Variants in CEACAM3 observed in about 807,000 individuals in gnomAD.
CEACAM3 encodes the protein CEA cell adhesion molecule 3, also known as cell adhesion molecule CEACAM3.
CEACAM3 carries 32 observed loss-of-function variants against 30.1 expected under a neutral mutation model. The observed-to-expected ratio is 1.06, with a 90% CI of 0.80 to 1.43. The LOEUF (loss-of-function observed/expected upper bound fraction) is 1.43. CEACAM3 is among the 40% of genes most tolerant of loss of function. The pLI is 0.00. For missense variants in CEACAM3, 290 were observed against 316.3 expected, an observed-to-expected ratio of 0.92 and a Z score of 0.63; for synonymous variants, 134 against 127.2, an observed-to-expected ratio of 1.05 and a Z score of -0.36.
intron 2 of CEACAM3, among the ~76,000 whole-genome samples, chr19:41,799,096 A>G (rs2073126811): frequency 6.6e-6 from 1 of 152,188 alleles, no homozygotes; most frequent in Non-Finnish European, 1.5e-5. Context: ...TAAGGGGCAA[A>G]TGGAAAATTA....
chr19:41,799,117 C>G (rs1347637871), intron 2 of CEACAM3, among the ~76,000 whole-genome samples: 2 of 152,134 alleles, frequency 1.3e-5, no homozygotes, highest in African/African-American at 4.8e-5. Flanking sequence ...ATCAATTTTT[C>G]CTGATATAGT....
At position 41,797,789 on chromosome 19, in the gene CEACAM3, G is replaced by A. The variant is rs781881650; in HGVS notation, c.265G>A (p.Ala89Thr). ...IVGYVIGTQQ[A>T]TPGAAYSGRE... The stretch of plus-strand genomic sequence containing the variant: ...AGGATATGTAATAGGAACTCAACAA[G>A]CTACCCCAGGGGCCGCATACAGCGG... Residue 89 changes from alanine to threonine, a missense_variant, in exon 2 of 7, where the codon GCT becomes ACT. By Grantham distance (58) the Ala-to-Thr change is moderately conservative. Transcript: ENST00000357396. 4.8e-5 allele frequency: 78 copies of A among 1,612,432 alleles called. 1 individual carries two copies. In the East Asian group the frequency reaches 1.7e-3, roughly 35 times the overall value.
chr19:41,804,835 TTC>T, intron 2 of CEACAM3, among the ~76,000 whole-genome samples: 1 of 151,650 alleles, frequency 6.6e-6, no homozygotes. Flanking sequence ...TCCCCCAAAT[TTC>T]TTTTTTTTTT....
intron 2 of CEACAM3, among the ~76,000 whole-genome samples, chr19:41,800,755 C>T (rs2073139459): frequency 6.6e-6 from 1 of 152,176 alleles, no homozygotes; most frequent in Non-Finnish European, 1.5e-5. Context: ...CCCACGTGAC[C>T]TTACCTATCA....
At chr19:41,798,193 C>A (rs1353209855) in intron 2 of CEACAM3, among the ~76,000 whole-genome samples, 1 of 152,178 alleles carries the variant, frequency 6.6e-6, no homozygotes, top group Non-Finnish European at 1.5e-5. Flanking sequence ...CTCAGCAGGG[C>A]AAGGTCAGTG....
chr19:41,808,359 T>C (rs1411495809), intron 2 of CEACAM3, among the ~76,000 whole-genome samples: 2 of 152,172 alleles, frequency 1.3e-5, no homozygotes, highest in African/African-American at 4.8e-5. Context: ...CTCAAGGTGA[T>C]GTAAGGATGA....
rs12977872 is a variant in CEACAM3, at chr19:41,796,595, C to G, written c.-83C>G. Reference sequence around the variant, plus strand: ...ATGGAAAGAGGAAGGACAGCAGAGCCTAAGTCACAGTAGCCCTGACTACAG... The same window carrying G: ...ATGGAAAGAGGAAGGACAGCAGAGCGTAAGTCACAGTAGCCCTGACTACAG... On this transcript the variant is annotated 5_prime_UTR_variant, in exon 1 of 7. Transcript: ENST00000357396. The G allele has an allele frequency of 2.0e-6, 3 of 1,517,574 alleles. No individual in the cohort carries two copies. Among genetic ancestry groups the G allele is most frequent in the Non-Finnish European group, 1.8e-6 (2 of 1,094,648 alleles). 94.0% of individuals were successfully genotyped at this position (1,517,574 alleles called of 1,614,324 possible).
At chr19:41,800,094 TATG>T (rs1298561301) in intron 2 of CEACAM3, among the ~76,000 whole-genome samples, 2 of 152,234 alleles carry the variant, frequency 1.3e-5, no homozygotes, top group Non-Finnish European at 2.9e-5. Flanking sequence ...AGATCTTAGA[TATG>T]ATTATATGTG....
intron 2 of CEACAM3, among the ~76,000 whole-genome samples, chr19:41,803,498 G>A (rs1176810632): frequency 2.0e-5 from 3 of 146,430 alleles, no homozygotes; most frequent in Non-Finnish European, 3.0e-5. Flanking sequence ...ACAGAGTCTC[G>A]CTCTGTACCC....
At position 41,797,572 on chromosome 19, in the gene CEACAM3, T is replaced by A. The variant is rs782437332; in HGVS notation, c.65-17T>A. 1.9e-6 allele frequency: 3 copies of A among 1,605,264 alleles called. No individual in the cohort carries two copies. The highest frequency in any genetic ancestry group is 3.4e-5 in the Admixed American group (2 of 59,402). On this transcript the variant is annotated splice_polypyrimidine_tract_variant and intron_variant, in intron 1 of 6. Coordinates refer to ENST00000357396, the MANE Select transcript of CEACAM3 (RefSeq NM_001815.5). ...ATACATGGGTCCCAATATTGACTGA[T>A]GCTTTCTCCCTCCTAGCCTCACTTC...
chr19:41,802,694 A>G (rs2073161615), intron 2 of CEACAM3, among the ~76,000 whole-genome samples: 1 of 152,204 alleles, frequency 6.6e-6, no homozygotes, highest in South Asian at 2.1e-4. Flanking sequence ...CTCCTTCCTG[A>G]AGCGGGAGGG....
Position 41,809,974 on chromosome 19 carries a change from C to A in CEACAM3, c.552C>A (p.Ile184=). Residue 184 remains isoleucine (I), a synonymous_variant, in exon 4 of 7, where the codon ATC becomes ATA. Coordinates refer to ENST00000357396, the MANE Select transcript of CEACAM3 (RefSeq NM_001815.5). Reference sequence around the variant, plus strand: ...CCCTGACCTTTCCTAGAACCAGCATCCAGCGTGACCTCAAGGAGCAGCAGC... The same window carrying A: ...CCCTGACCTTTCCTAGAACCAGCATACAGCGTGACCTCAAGGAGCAGCAGC... The part of the protein sequence containing the change: ...LLLAKTGRTS[I]QRDLKEQQPQ... The A allele has an allele frequency of 6.2e-7, 1 of 1,613,944 alleles. No homozygotes were observed. The highest frequency in any genetic ancestry group is 8.5e-7 in the Non-Finnish European group (1 of 1,179,908).
At chr19:41,802,189 T>C (rs1555826077) in intron 2 of CEACAM3, among the ~76,000 whole-genome samples, 1 of 152,118 alleles carries the variant, frequency 6.6e-6, no homozygotes, top group Non-Finnish European at 1.5e-5. Flanking sequence ...TCCCCAAAGC[T>C]CATGGCTCAT....
At position 41,810,869 on chromosome 19, in the gene CEACAM3, AC is replaced by A. The variant is rs2073244234; in HGVS notation, c.669del (p.Arg224GlyfsTer11). The A allele has an allele frequency of 1.5e-5, 24 of 1,613,028 alleles. No homozygotes were observed. The highest frequency in any genetic ancestry group is 1.7e-5 in the Non-Finnish European group (20 of 1,179,570). ...TCCACTGCCCAGGCCCCCCTACCCA[AC>A]CCCAGGACAGCAGCTTCCATCTATG... The part of the protein sequence containing the change: ...PLSTAQAPLP[N>X]PRTAASIYEE... On this transcript the variant is annotated frameshift_variant, in exon 6 of 7. Coordinates refer to ENST00000357396, the MANE Select transcript of CEACAM3 (RefSeq NM_001815.5). LOFTEE classifies it low-confidence loss of function (END_TRUNC).
Position 41,811,160 on chromosome 19 carries a change from CT to C in CEACAM3, c.694-11del. 6.2e-7 allele frequency: 1 copy of C among 1,613,998 alleles called. No homozygotes were observed. Among genetic ancestry groups the C allele is most frequent in the East Asian group, 2.2e-5 (1 of 44,888 alleles). ...GACTAGAGGGGTCCAGGCCTCTTCT[CT>C]GTTTTAACAGGAATTGCTAAAACAT... On this transcript the variant is annotated splice_polypyrimidine_tract_variant and intron_variant, in intron 6 of 6. Transcript: ENST00000357396.
intron 2 of CEACAM3, among the ~76,000 whole-genome samples, chr19:41,800,519 C>T (rs1168701840): frequency 6.6e-6 from 1 of 152,182 alleles, no homozygotes; most frequent in Non-Finnish European, 1.5e-5. Context: ...GAGGCCTAAC[C>T]GTCTCCCTAT....
chr19:41,798,693 T>C (rs2122990694), intron 2 of CEACAM3, among the ~76,000 whole-genome samples: 1 of 152,350 alleles, frequency 6.6e-6, no homozygotes, highest in Non-Finnish European at 1.5e-5. Flanking sequence ...CAGCTCCTTT[T>C]CCACAAGGGA....
At chr19:41,800,400 C>T (rs2073136312) in intron 2 of CEACAM3, among the ~76,000 whole-genome samples, 1 of 152,118 alleles carries the variant, frequency 6.6e-6, no homozygotes, top group African/African-American at 2.4e-5. Context: ...CGCTACTTGG[C>T]AGACCGGGAA....
chr19:41,798,004 T>A, intron 2 of CEACAM3, 56 bp downstream of exon 2: 3 of 1,558,646 alleles, frequency 1.9e-6, no homozygotes, highest in Non-Finnish European at 2.6e-6. Flanking sequence ...TTCCCACATA[T>A]GGGATTGTCA....
Sources: allele counts gnomAD v4.1 joint callset (sites outside exome capture counted in the v4.1 genomes callset), GRCh38; gene constraint gnomAD v4.1.1; transcripts MANE v1.5; gene names NCBI Gene and HGNC (gene_info 2026-07-23, HGNC 2026-07-21).